The following PRRC2B variants were observed in gnomAD, a reference collection of about 807,000 sequenced individuals.
PRRC2B encodes proline rich coiled-coil 2B, also known as protein PRRC2B.
PRRC2B carries 68 observed loss-of-function variants against 242.3 expected under a neutral mutation model. That is an observed-to-expected ratio of 0.28 (90% confidence interval 0.23 to 0.34). PRRC2B has a LOEUF of 0.34. Ranked by LOEUF, PRRC2B falls within the 10% of genes least tolerant of loss-of-function variation. The pLI, the probability that PRRC2B is intolerant of heterozygous loss-of-function variation, is 1.00. For missense variants in PRRC2B, 2,835 were observed against 2,954.8 expected (o/e 0.96, Z 0.94); for synonymous variants, 1,228 against 1,173.6 (o/e 1.05, Z -0.95).
intron 26 of PRRC2B, 32 bp downstream of exon 26, chr9:131,486,214 G>T: frequency 6.8e-7 from 1 of 1,460,658 alleles, no homozygotes; most frequent in South Asian, 1.2e-5. Flanking sequence ...GCCTGGCTGG[G>T]GGTGGTGGGG....
rs201014573 is a variant in PRRC2B, at chr9:131,446,668, T to C, written c.855+26T>C. On this transcript the variant is annotated intron_variant, in intron 7 of 31. Coordinates refer to ENST00000683519, the MANE Select transcript of PRRC2B (RefSeq NM_013318.4). This position sits in a 1 kb window ranked among gnomAD's most constrained non-coding sequence, Gnocchi z 4.1. ...GTAAGTCTTCAGAGTGTACTTTTTTTCCCCCCATGAAGTTGGATTGTGTCC... is the reference window on the plus strand; with the variant it reads ...GTAAGTCTTCAGAGTGTACTTTTTTCCCCCCCATGAAGTTGGATTGTGTCC... 1.6e-4 allele frequency: 251 copies of C among 1,610,648 alleles called. No individual in the cohort carries two copies. Among genetic ancestry groups the C allele is most frequent in the African/African-American group, 7.4e-4 (55 of 74,654 alleles).
At chr9:131,478,651 T>TGGGGCCG in intron 18 of PRRC2B, 32 bp downstream of exon 18, 3 of 475,348 alleles carry the variant, frequency 6.3e-6, no homozygotes, top group Non-Finnish European at 8.5e-6. Context: ...GGCATGGGGC[T>TGGGGCCG]GGAGGGCAGG....
chr9:131,384,560 A>G (rs980510841), intron 1 of PRRC2B, among the ~76,000 whole-genome samples: 1 of 152,132 alleles, frequency 6.6e-6, no homozygotes, highest in African/African-American at 2.4e-5. Flanking sequence ...CTAGGATTAC[A>G]GGTGTGAGCC....
intron 9 of PRRC2B, among the ~76,000 whole-genome samples, chr9:131,453,299 A>G (rs1193867222): frequency 6.6e-6 from 1 of 152,180 alleles, no homozygotes; most frequent in East Asian, 1.9e-4. Context: ...TAAAGTGATT[A>G]TTTAGTAGAC....
intron 1 of PRRC2B, among the ~76,000 whole-genome samples, chr9:131,397,416 C>T (rs1837092834): frequency 6.6e-6 from 1 of 152,148 alleles, no homozygotes; most frequent in African/African-American, 2.4e-5. Context: ...CAGGTCAGAA[C>T]TGGTTCCAGC....
chr9:131,433,254 T>A (rs184605721), intron 3 of PRRC2B, among the ~76,000 whole-genome samples: 11 of 152,304 alleles, frequency 7.2e-5, no homozygotes, highest in Admixed American at 5.9e-4. Context: ...CCCAGCAGCT[T>A]CCCAGACAGA....
At chr9:131,442,907 A>G (rs1280711982) in intron 5 of PRRC2B, among the ~76,000 whole-genome samples, 1 of 152,230 alleles carries the variant, frequency 6.6e-6, no homozygotes, top group Non-Finnish European at 1.5e-5. Flanking sequence ...AGCAGGTTGT[A>G]ATGTCAAGGA....
At chr9:131,491,645 A>C (rs1944198681) in intron 29 of PRRC2B, 65 bp downstream of exon 29, 1 of 1,436,728 alleles carries the variant, frequency 7.0e-7, no homozygotes, top group African/African-American at 1.4e-5. Context: ...TTTTTCTAGC[A>C]AGCTAAGTAC....
chr9:131,463,864 C>T (rs1943314566), intron 11 of PRRC2B, among the ~76,000 whole-genome samples: 1 of 151,504 alleles, frequency 6.6e-6, no homozygotes, highest in African/African-American at 2.4e-5. Flanking sequence ...AGCTCCTAGG[C>T]TCATGCAGTC....
chr9:131,436,596 C>T (rs1187177080), intron 3 of PRRC2B, 24 bp from the exon 4 acceptor site: 3 of 1,598,198 alleles, frequency 1.9e-6, no homozygotes, highest in African/African-American at 2.7e-5. Flanking sequence ...CGGTGCCTGA[C>T]CCCACTGCCC....
Position 131,474,311 on chromosome 9 carries a change from G to T in PRRC2B, c.2325-143G>T. 1 of 710,364 alleles carries T rather than the reference G, an allele frequency of 1.4e-6. No individual in the cohort carries two copies. The allele number at this position is 710,364 out of a possible 1,614,324, so 44.0% of individuals were successfully genotyped here. A position where few individuals can be genotyped will look rare whatever the true frequency, so the allele number is the denominator to read the frequency against. ...TGTTTTTTTTTGGTTGTTGTTTTTT[G>T]TTTTGTTTTTCTAGCTTTCTTTTTA... On this transcript the variant is annotated intron_variant, in intron 15 of 31. Transcript: ENST00000683519.
intron 1 of PRRC2B, among the ~76,000 whole-genome samples, chr9:131,386,828 A>ATG (rs1836832204): frequency 6.7e-6 from 1 of 149,340 alleles, no homozygotes; most frequent in South Asian, 2.1e-4. Context: ...ATATATATAT[A>ATG]TAAGTCATAT....
chr9:131,402,380 A>G (rs1455765006), intron 1 of PRRC2B, among the ~76,000 whole-genome samples: 1 of 152,238 alleles, frequency 6.6e-6, no homozygotes, highest in Non-Finnish European at 1.5e-5. Flanking sequence ...TATTTTTAGC[A>G]TAGTATTTCC....
Position 131,470,867 on chromosome 9 carries a change from A to G in PRRC2B, c.1991A>G (p.His664Arg), listed in dbSNP as rs1187498893. The G allele has an allele frequency of 1.3e-6, 2 of 1,533,792 alleles. No individual in the cohort carries two copies. Among genetic ancestry groups the G allele is most frequent in the South Asian group, 2.3e-5 (2 of 88,162 alleles). ...CCCCAGCGCACCTTTTACCCACACC[A>G]CCCCCAGATGTTGGGCTTCGATCCC... is the stretch of plus-strand genomic sequence containing the variant. ...SHPQRTFYPHHPQMLGFDPRW... is the reference protein window; with the variant it reads ...SHPQRTFYPHRPQMLGFDPRW... Residue 664 changes from histidine to arginine, a missense_variant, in exon 14 of 32, where the codon CAC becomes CGC. Transcript: ENST00000683519.
intron 26 of PRRC2B, among the ~76,000 whole-genome samples, chr9:131,486,962 G>A (rs1254320910): frequency 6.6e-6 from 1 of 152,204 alleles, no homozygotes; most frequent in Non-Finnish European, 1.5e-5. Context: ...CCAGGGTAGG[G>A]ATATGCTGTG....
At chr9:131,456,500 A>G (rs952794886) in intron 10 of PRRC2B, among the ~76,000 whole-genome samples, 8 of 151,762 alleles carry the variant, frequency 5.3e-5, no homozygotes, top group African/African-American at 1.9e-4. Context: ...GCATGGTGGT[A>G]GGTGCCTGTA....
chr9:131,446,322 C>T lies in PRRC2B; in HGVS notation c.614-79C>T, dbSNP rs1203013090. On this transcript the variant is annotated intron_variant, in intron 6 of 31. Coordinates refer to ENST00000683519, the MANE Select transcript of PRRC2B (RefSeq NM_013318.4). The surrounding 1 kb of genome is among the most constrained non-coding windows in gnomAD (Gnocchi z 4.1). Reference sequence around the variant, plus strand: ...TATTTTTTTGGTGAAGGAGGGGGTCCCTTGACCTTCAGAACCTCATACGAT... The same window carrying T: ...TATTTTTTTGGTGAAGGAGGGGGTCTCTTGACCTTCAGAACCTCATACGAT... 1.3e-6 allele frequency: 2 copies of T among 1,519,166 alleles called. No homozygotes were observed. The highest frequency in any genetic ancestry group is 1.8e-6 in the Non-Finnish European group (2 of 1,122,884). The allele number at this position is 1,519,166 out of a possible 1,614,324, so 94.1% of individuals were successfully genotyped here. A position where few individuals can be genotyped will look rare whatever the true frequency, so the allele number is the denominator to read the frequency against.
Position 131,438,972 on chromosome 9 carries a change from TCTC to T in PRRC2B, c.397-16_397-14del. The T allele has an allele frequency of 6.2e-7, 1 of 1,604,722 alleles. No individual in the cohort carries two copies. The highest frequency in any genetic ancestry group is 8.5e-7 in the Non-Finnish European group (1 of 1,173,746). ...ATAAGGGAGCTGGCCCTCTTCTGAT[TCTC>T]TTCCTTCTTTCAGAATACAAATTCA... On this transcript the variant is annotated splice_polypyrimidine_tract_variant and intron_variant, in intron 4 of 31. Coordinates refer to ENST00000683519, the MANE Select transcript of PRRC2B (RefSeq NM_013318.4).
chr9:131,473,055 G>A (rs1943588596), intron 14 of PRRC2B, among the ~76,000 whole-genome samples: 1 of 152,124 alleles, frequency 6.6e-6, no homozygotes, highest in Admixed American at 6.5e-5. Flanking sequence ...CCTGGGAGGG[G>A]GACAATTGTT....
Sources: gnomAD v4.1 joint callset for allele counts (sites outside exome capture counted in the v4.1 genomes callset) on GRCh38, gnomAD v4.1.1 for gene constraint, Gnocchi (gnomAD v3.1) non-coding constraint, MANE v1.5 for transcripts, NCBI Gene and HGNC (gene_info 2026-07-23, HGNC 2026-07-21) for gene names.